The following DCAF6 variants were observed in gnomAD, a reference collection of about 807,000 sequenced individuals.
The protein encoded by DCAF6 is DDB1 and CUL4 associated factor 6, also known as DDB1- and CUL4-associated factor 6.
A neutral mutation model predicts 125.1 loss-of-function variants in DCAF6; 54 were observed. The ratio of observed to expected loss-of-function variants is 0.43; its 90% CI spans 0.35 to 0.54. The LOEUF is 0.54. Among genes scored for constraint, DCAF6 ranks in the 20% least tolerant of loss-of-function variants. The pLI, the probability that DCAF6 is intolerant of heterozygous loss-of-function variation, is 0.01. For synonymous variants in DCAF6, 371 were observed against 390.4 expected (o/e 0.95, Z 0.58); for missense variants, 934 against 1,161.7 (o/e 0.80, Z 2.85).
intron 12 of DCAF6, among the ~76,000 whole-genome samples, chr1:168,033,436 C>T (rs1310808563): frequency 1.3e-5 from 2 of 151,928 alleles, no homozygotes; most frequent in Non-Finnish European, 2.9e-5. Flanking sequence ...CTGCCTCAGC[C>T]TCCCGAGTAG....
In DCAF6 at chr1:167,969,617, C is replaced by T. The variant is rs374710534; in HGVS notation, c.252+2896C>T. Among the ~76,000 whole-genome samples, 117 of 151,318 alleles carry T rather than the reference C, an allele frequency of 7.7e-4. 1 individual carries two copies. In the South Asian group the frequency reaches 0.022, roughly 29 times the overall value. On this transcript the variant is annotated intron_variant, in intron 3 of 21. Transcript: ENST00000367840. ...ATTTAAATAAGTGTGTATCATCTAT[C>T]AGCTGAAAAAGAAGTTCATATTGAG...
chr1:168,036,870 G>T (rs1332761969), intron 12 of DCAF6, among the ~76,000 whole-genome samples: 1 of 152,116 alleles, frequency 6.6e-6, no homozygotes, highest in Admixed American at 6.5e-5. Context: ...GAAACAAAGT[G>T]ACTTTACCAT....
chr1:167,942,580 A>G (rs148310205), intron 1 of DCAF6, among the ~76,000 whole-genome samples: 2,832 of 152,218 alleles, frequency 0.019, 77 homozygotes, highest in African/African-American at 0.065. Context: ...TATAGTTCAT[A>G]CTTTTTATGT....
the DCAF6 span, among the ~76,000 whole-genome samples, chr1:167,873,144 A>G: frequency 6.6e-6 from 1 of 152,146 alleles, no homozygotes; most frequent in African/African-American, 2.4e-5. Flanking sequence ...ATCTTGTAGA[A>G]AGAAGGTTAG....
chr1:167,966,789 CTG>C (rs1676483960), intron 3 of DCAF6, 68 bp downstream of exon 3: 20 of 955,816 alleles, frequency 2.1e-5, no homozygotes, highest in East Asian at 4.8e-5. Context: ...AATGAAGAAA[CTG>C]TGAACAGTCA....
At chr1:167,863,769 G>A in the DCAF6 span, among the ~76,000 whole-genome samples, 4 of 152,224 alleles carry the variant, frequency 2.6e-5, no homozygotes, top group Non-Finnish European at 5.9e-5. Context: ...GCAGGCCCCC[G>A]TGGAGGATCA....
chr1:167,979,505 C>T (rs541494602), intron 4 of DCAF6, among the ~76,000 whole-genome samples: 19 of 152,320 alleles, frequency 1.2e-4, no homozygotes, highest in Non-Finnish European at 2.5e-4. Flanking sequence ...TTTCACTTAG[C>T]ATGATCATAT....
chr1:168,044,365 C>CG (rs1688896498), intron 14 of DCAF6, among the ~76,000 whole-genome samples: 2 of 152,110 alleles, frequency 1.3e-5, no homozygotes, highest in Non-Finnish European at 2.9e-5. Flanking sequence ...AAAACAATAA[C>CG]AGCGTAGCAA....
intron 17 of DCAF6, among the ~76,000 whole-genome samples, chr1:168,062,494 A>G (rs1056182690): frequency 8.5e-5 from 13 of 152,162 alleles, no homozygotes; most frequent in Admixed American, 6.5e-5. Flanking sequence ...TACCATTCTG[A>G]TATACATAAA....
intron 17 of DCAF6, among the ~76,000 whole-genome samples, chr1:168,051,469 G>A (rs1689931689): frequency 6.6e-6 from 1 of 152,114 alleles, no homozygotes; most frequent in Non-Finnish European, 1.5e-5. Context: ...TTCTCTATTT[G>A]GGACATATTT....
chr1:167,925,442 CAT>C, the DCAF6 span, among the ~76,000 whole-genome samples: 6,860 of 82,406 alleles, frequency 0.083, 275 homozygotes, highest in South Asian at 0.11. Flanking sequence ...TACATATACA[CAT>C]ATATATATAT....
chr1:167,966,876 A>G (rs977434446), intron 3 of DCAF6, among the ~76,000 whole-genome samples, 155 bp downstream of exon 3: 1 of 152,178 alleles, frequency 6.6e-6, no homozygotes, highest in African/African-American at 2.4e-5. Context: ...GTTCTTAGGT[A>G]CATGTGGGTC....
At chr1:167,910,323 C>A in the DCAF6 span, among the ~76,000 whole-genome samples, 1 of 152,208 alleles carries the variant, frequency 6.6e-6, no homozygotes, top group East Asian at 1.9e-4. Context: ...GACTGAAGTT[C>A]ATTGACCTCT....
rs138546313 is a variant in DCAF6 at position 167,952,856 on chromosome 1, C to T, written c.159+995C>T. Among the ~76,000 whole-genome samples the T allele has an allele frequency of 9.3e-3, 1,413 of 152,256 alleles. 9 individuals carry two copies. Among genetic ancestry groups the T allele is most frequent in the Non-Finnish European group, 0.016 (1,083 of 68,012 alleles). On this transcript the variant is annotated intron_variant, in intron 2 of 21. Transcript: ENST00000367840. ...AGCAGATCCAAAACAGAGCTCTTTT[C>T]AATTTTTATTATAAAAATTTCAAAT...
intron 4 of DCAF6, among the ~76,000 whole-genome samples, chr1:167,976,243 C>T (rs1333894641): frequency 2.0e-5 from 3 of 152,052 alleles, no homozygotes; most frequent in African/African-American, 7.2e-5. Flanking sequence ...CTGAGGTGGG[C>T]GGATCACTTG....
intron 12 of DCAF6, among the ~76,000 whole-genome samples, chr1:168,035,693 A>G (rs1239535136): frequency 6.6e-6 from 1 of 152,218 alleles, no homozygotes; most frequent in Non-Finnish European, 1.5e-5. Context: ...ATAATCAATC[A>G]TTTTATGATT....
chr1:167,949,627 C>T (rs1673618136), intron 1 of DCAF6, among the ~76,000 whole-genome samples: 1 of 152,162 alleles, frequency 6.6e-6, no homozygotes, highest in Non-Finnish European at 1.5e-5. Flanking sequence ...AAACCTGAAG[C>T]TCATACTGCT....
intron 4 of DCAF6, among the ~76,000 whole-genome samples, chr1:167,981,106 C>T (rs900547926): frequency 6.6e-6 from 1 of 151,810 alleles, no homozygotes; most frequent in East Asian, 1.9e-4. Context: ...GGGGTTTCAC[C>T]GTGTTGCCCA....
intron 16 of DCAF6, among the ~76,000 whole-genome samples, chr1:168,049,411 T>TA (rs1232850609): frequency 1.4e-4 from 14 of 102,150 alleles, no homozygotes; most frequent in African/African-American, 5.6e-4. Context: ...CTCTGCTAAT[T>TA]TGTTGTTGTT....
Sources: gnomAD v4.1 joint callset for allele counts (sites outside exome capture counted in the v4.1 genomes callset) on GRCh38, gnomAD v4.1.1 for gene constraint, MANE v1.5 for transcripts, NCBI Gene and HGNC (gene_info 2026-07-23, HGNC 2026-07-21) for gene names.